The following JMJD1C variants were observed in gnomAD, a reference collection of about 807,000 sequenced individuals.
JMJD1C encodes the protein jumonji domain-containing protein 1C.
In JMJD1C, 31 loss-of-function variants were observed where a neutral mutation model predicts 245.3. The observed-to-expected ratio is 0.13, with a 90% CI of 0.09 to 0.17. The LOEUF (loss-of-function observed/expected upper bound fraction) is 0.17. JMJD1C is among the 10% of genes least tolerant of loss of function. The pLI is 1.00. For synonymous variants in JMJD1C, 1,057 were observed against 1,017.4 expected, an observed-to-expected ratio of 1.04 and a Z score of -0.74; for missense variants, 2,691 against 3,000.2, an observed-to-expected ratio of 0.90 and a Z score of 2.41.
intron 1 of JMJD1C, among the ~76,000 whole-genome samples, chr10:63,389,976 C>T (rs1041882173): frequency 6.6e-6 from 1 of 152,164 alleles, no homozygotes; most frequent in Non-Finnish European, 1.5e-5. Flanking sequence ...CCATACATCC[C>T]ATGAAAACAG....
chr10:63,508,415 A>T (rs964395642), intron 1 of JMJD1C, among the ~76,000 whole-genome samples: 1 of 152,140 alleles, frequency 6.6e-6, no homozygotes, highest in Non-Finnish European at 1.5e-5. Context: ...GGGCAGTGTC[A>T]ATTCTCCAAC....
chr10:63,294,526 C>T (rs546381038), intron 2 of JMJD1C, among the ~76,000 whole-genome samples: 167 of 152,198 alleles, frequency 1.1e-3, no homozygotes, highest in African/African-American at 3.9e-3. Flanking sequence ...CCTCGTGATC[C>T]GCCCGCCTTG....
chr10:63,352,411 G>A (rs1944438251), intron 2 of JMJD1C, among the ~76,000 whole-genome samples: 1 of 152,156 alleles, frequency 6.6e-6, no homozygotes, highest in Admixed American at 6.5e-5. Flanking sequence ...GCCGAGGCAG[G>A]TGGATCACTT....
chr10:63,315,605 G>A (rs556068506), intron 2 of JMJD1C, among the ~76,000 whole-genome samples: 30 of 152,144 alleles, frequency 2.0e-4, no homozygotes, highest in East Asian at 1.4e-3. Flanking sequence ...TTGGGAGGCC[G>A]AGGCAGCGGG....
intron 2 of JMJD1C, among the ~76,000 whole-genome samples, chr10:63,323,284 G>T (rs1014829608): frequency 1.3e-5 from 2 of 152,174 alleles, no homozygotes; most frequent in African/African-American, 4.8e-5. Context: ...ACACTTCTGG[G>T]AGGCCAAGGC....
chr10:63,438,290 T>C (rs1210761855), intron 1 of JMJD1C, among the ~76,000 whole-genome samples: 1 of 152,130 alleles, frequency 6.6e-6, no homozygotes, highest in Non-Finnish European at 1.5e-5. Context: ...TTAAACCCTG[T>C]CTCTCACATC....
intron 3 of JMJD1C, among the ~76,000 whole-genome samples, chr10:63,236,988 T>C (rs1564658385): frequency 0.019 from 1 of 52 alleles, no homozygotes; most frequent in African/African-American, 0.062. Flanking sequence ...ATAGTATACA[T>C]ATACATCGTG....
intron 1 of JMJD1C, among the ~76,000 whole-genome samples, chr10:63,475,978 G>A (rs1252939412): frequency 2.0e-5 from 3 of 152,102 alleles, no homozygotes; most frequent in African/African-American, 7.2e-5. Context: ...GGAGGCTGAA[G>A]TGGGTGGATC....
At chr10:63,484,187 G>GGGATGGATGGATGGATGGAT (rs375305760) in intron 1 of JMJD1C, among the ~76,000 whole-genome samples, 153 of 144,920 alleles carry the variant, frequency 1.1e-3, no homozygotes, top group African/African-American at 3.9e-3. Flanking sequence ...CCAGCACCTT[G>GGGATGGATGGATGGATGGAT]GGATGGATGG....
intron 1 of JMJD1C, among the ~76,000 whole-genome samples, chr10:63,487,012 A>C (rs1005364639): frequency 6.6e-6 from 1 of 152,274 alleles, no homozygotes; most frequent in Non-Finnish European, 1.5e-5. Context: ...ACTCAGATTT[A>C]GGTAAGTTCA....
At chr10:63,277,937 A>G (rs1856981737) in intron 2 of JMJD1C, among the ~76,000 whole-genome samples, 1 of 151,608 alleles carries the variant, frequency 6.6e-6, no homozygotes, top group Non-Finnish European at 1.5e-5. Context: ...GGGTTTCGCC[A>G]TGTTGGCCAG....
chr10:63,246,335 A>G (rs1178429622), intron 3 of JMJD1C, among the ~76,000 whole-genome samples: 1 of 152,176 alleles, frequency 6.6e-6, no homozygotes, highest in East Asian at 1.9e-4. Flanking sequence ...GAGAAAAGTA[A>G]AAACATAGAG....
chr10:63,479,768 A>G (rs543679487), intron 1 of JMJD1C, among the ~76,000 whole-genome samples: 27 of 152,312 alleles, frequency 1.8e-4, no homozygotes, highest in African/African-American at 6.3e-4. Context: ...TGATACATGT[A>G]CTTTCCTAAT....
chr10:63,194,449 G>A (rs997958268), intron 13 of JMJD1C, 74 bp from the exon 14 acceptor site: 17 of 987,066 alleles, frequency 1.7e-5, no homozygotes, highest in Admixed American at 5.5e-5. Context: ...AGAACTTAAC[G>A]ATTATATAAA....
chr10:63,518,013 G>C (rs530309855), intron 1 of JMJD1C, among the ~76,000 whole-genome samples: 5 of 152,044 alleles, frequency 3.3e-5, no homozygotes, highest in Non-Finnish European at 7.4e-5. Flanking sequence ...GGATGGCCTC[G>C]AACTCTTGGC....
intron 1 of JMJD1C, among the ~76,000 whole-genome samples, chr10:63,507,264 TGGGAAAATAC>T (rs1954746727): frequency 6.6e-6 from 1 of 152,196 alleles, no homozygotes; most frequent in South Asian, 2.1e-4. Flanking sequence ...TCAATTCATT[TGGGAAAATAC>T]GGAGAAGCAT....
In JMJD1C at chr10:63,441,474, A is replaced by C. The variant is rs189989230; in HGVS notation, c.168+24021T>G. On this transcript the variant is annotated intron_variant, in intron 1 of 25. Coordinates refer to ENST00000399262, the MANE Select transcript of JMJD1C (RefSeq NM_032776.3). ...GGGACGAAGTAAGCTAATACATATAAAGTGCTCAAGATTAAGACAATACGT... is the reference window on the plus strand; with the variant it reads ...GGGACGAAGTAAGCTAATACATATACAGTGCTCAAGATTAAGACAATACGT... Among the ~76,000 whole-genome samples, 6 of 152,316 alleles carry C rather than the reference A, an allele frequency of 3.9e-5. No individual in the cohort carries two copies. The East Asian group carries it at 1.2e-3, about 29-fold the overall frequency.
At chr10:63,197,810 C>T (rs1845612545) in intron 12 of JMJD1C, among the ~76,000 whole-genome samples, 1 of 152,216 alleles carries the variant, frequency 6.6e-6, no homozygotes, top group South Asian at 2.1e-4. Context: ...GTACTTTTGA[C>T]ATTTTAGGTT....
chr10:63,491,747 A>G (rs1954184799), intron 1 of JMJD1C, among the ~76,000 whole-genome samples: 1 of 151,996 alleles, frequency 6.6e-6, no homozygotes, highest in South Asian at 2.1e-4. Context: ...TATAGCTACA[A>G]CCCCCCTCCA....
Sources: allele counts gnomAD v4.1 joint callset (sites outside exome capture counted in the v4.1 genomes callset), GRCh38; gene constraint gnomAD v4.1.1; transcripts MANE v1.5; gene names NCBI Gene and HGNC (gene_info 2026-07-23, HGNC 2026-07-21).